The following EPHB1 variants were observed in gnomAD, a reference collection of about 807,000 sequenced individuals.
EPHB1 encodes the protein ephrin type-B receptor 1.
EPHB1 carries 30 observed loss-of-function variants against 94.4 expected under a neutral mutation model. That is an observed-to-expected ratio of 0.32 (90% CI 0.24 to 0.43). The LOEUF (loss-of-function observed/expected upper bound fraction) is 0.43, where lower values mean the gene tolerates loss of function less well. Among genes scored for constraint, EPHB1 ranks in the 20% least tolerant of loss-of-function variants. EPHB1 has a pLI of 1.00. For synonymous variants in EPHB1, 522 were observed against 489.1 expected (o/e 1.07, Z -0.89); for missense variants, 1,055 against 1,308.3 (o/e 0.81, Z 2.99).
chr3:135,007,022 G>A (rs1158078401), intron 3 of EPHB1, among the ~76,000 whole-genome samples: 1 of 152,146 alleles, frequency 6.6e-6, no homozygotes, highest in African/African-American at 2.4e-5. Flanking sequence ...GAGTCACTTT[G>A]GTTCCAGATC....
rs146847263 is a variant in EPHB1, at chr3:135,138,933, G to A, written c.1297+5884G>A. Among the ~76,000 whole-genome samples, 176 of 152,314 alleles carry A rather than the reference G, an allele frequency of 1.2e-3. 3 individuals carry two copies. The highest frequency in any genetic ancestry group is 6.2e-3 in the South Asian group (30 of 4,832). On this transcript the variant is annotated intron_variant, in intron 5 of 15. Coordinates refer to ENST00000398015, the MANE Select transcript of EPHB1 (RefSeq NM_004441.5). ...TGTTCTCCGTTGAGCTCAGAGGGTC[G>A]GCAGATGGCACTGCCCCTGACCAAT...
intron 3 of EPHB1, among the ~76,000 whole-genome samples, chr3:135,061,582 A>G (rs1424470427): frequency 6.6e-6 from 1 of 151,632 alleles, no homozygotes; most frequent in Admixed American, 6.6e-5. Context: ...TCCATCATAT[A>G]TATTTAGCAC....
In EPHB1 at chr3:135,052,997, A is replaced by ATGTG. The variant is rs1246498295; in HGVS notation, c.806-53445_806-53442dup. On this transcript the variant is annotated intron_variant, in intron 3 of 15. Coordinates refer to ENST00000398015, the MANE Select transcript of EPHB1 (RefSeq NM_004441.5). ...TGTATATATATGTGTGTGTATATAT[A>ATGTG]TGTGTGTGTATATATATGTGTGTGT... Among the ~76,000 whole-genome samples the ATGTG allele has an allele frequency of 1.4e-3, 142 of 100,120 alleles. 2 individuals carry two copies. Among genetic ancestry groups the ATGTG allele is most frequent in the African/African-American group, 3.8e-3 (89 of 23,216 alleles). 65.7% of individuals were successfully genotyped at this position (100,120 alleles called of 152,430 possible).
chr3:135,225,733 A>G (rs1175270481), intron 12 of EPHB1, among the ~76,000 whole-genome samples: 2 of 151,884 alleles, frequency 1.3e-5, no homozygotes, highest in Admixed American at 1.3e-4. Context: ...GCCACAGGGA[A>G]AGGGTCCAGT....
At chr3:135,054,805 A>G (rs932069230) in intron 3 of EPHB1, among the ~76,000 whole-genome samples, 6 of 152,258 alleles carry the variant, frequency 3.9e-5, no homozygotes, top group Middle Eastern at 3.4e-3. Context: ...TTGCCTCTGC[A>G]TGGGTTTTAT....
At chr3:134,799,584 G>C (rs1027627611) in intron 1 of EPHB1, among the ~76,000 whole-genome samples, 1 of 152,192 alleles carries the variant, frequency 6.6e-6, no homozygotes, top group Non-Finnish European at 1.5e-5. Flanking sequence ...AACTGCAGAG[G>C]CCCAGACTCA....
chr3:135,060,337 T>G (rs1300073187), intron 3 of EPHB1, among the ~76,000 whole-genome samples: 1 of 152,236 alleles, frequency 6.6e-6, no homozygotes, highest in Non-Finnish European at 1.5e-5. Flanking sequence ...ATTGTCTATG[T>G]CGTAGCATGT....
chr3:134,927,777 C>T (rs916229030), intron 2 of EPHB1, among the ~76,000 whole-genome samples: 2 of 152,268 alleles, frequency 1.3e-5, no homozygotes, highest in Non-Finnish European at 2.9e-5. Flanking sequence ...GCCCTCCCCA[C>T]CTGCTACCAG....
chr3:134,940,676 C>A (rs2039096312), intron 2 of EPHB1, among the ~76,000 whole-genome samples: 1 of 152,226 alleles, frequency 6.6e-6, no homozygotes, highest in South Asian at 2.1e-4. Flanking sequence ...AAAGGGAGAT[C>A]TTCCCTGATT....
intron 1 of EPHB1, among the ~76,000 whole-genome samples, chr3:134,862,675 A>G (rs956918963): frequency 6.6e-6 from 1 of 152,138 alleles, no homozygotes. Flanking sequence ...CGTGTGGCTC[A>G]GAGGATCTGG....
intron 3 of EPHB1, among the ~76,000 whole-genome samples, chr3:135,067,300 A>G (rs550565947): frequency 6.6e-6 from 1 of 152,102 alleles, no homozygotes; most frequent in East Asian, 1.9e-4. Flanking sequence ...GTGGGTAGGG[A>G]AGGGCAATGA....
At chr3:135,043,891 A>G (rs1268363387) in intron 3 of EPHB1, among the ~76,000 whole-genome samples, 1 of 152,186 alleles carries the variant, frequency 6.6e-6, no homozygotes. Flanking sequence ...AGATCAGGCC[A>G]TGTTGGCCTC....
intron 1 of EPHB1, among the ~76,000 whole-genome samples, chr3:134,827,279 TCTC>T (rs2036497869): frequency 6.6e-6 from 1 of 152,216 alleles, no homozygotes; most frequent in Non-Finnish European, 1.5e-5. Flanking sequence ...TGCTTCTTCT[TCTC>T]TATAATCTAA....
At position 134,804,205 on chromosome 3, in the gene EPHB1, C is replaced by T. The variant is rs1202596097; in HGVS notation, c.58+8516C>T. 8.8e-5 allele frequency among the ~76,000 whole-genome samples: 13 copies of T among 148,186 alleles called. No homozygotes were observed. In the Admixed American group the frequency reaches 9.0e-4, roughly 10 times the overall value. ...TAATTGGACTTACAGTTCCACATGG[C>T]TGGGGAGGCCTCAGAATCATGGTGG... On this transcript the variant is annotated intron_variant, in intron 1 of 15. Coordinates refer to ENST00000398015, the MANE Select transcript of EPHB1 (RefSeq NM_004441.5).
At chr3:135,206,129 T>G (rs986105172) in intron 12 of EPHB1, among the ~76,000 whole-genome samples, 1 of 152,226 alleles carries the variant, frequency 6.6e-6, no homozygotes, top group African/African-American at 2.4e-5. Flanking sequence ...ATACAGCATG[T>G]GCTTTTTTGC....
intron 1 of EPHB1, among the ~76,000 whole-genome samples, chr3:134,917,682 A>C (rs11709198): frequency 0.22 from 34,119 of 152,214 alleles, 3,970 homozygotes; most frequent in Middle Eastern, 0.31. Flanking sequence ...ATGCCTGTTC[A>C]GACTCATTCA....
rs568041627 is a variant in EPHB1, at chr3:135,066,222, T to C, written c.806-40226T>C. 1.5e-4 allele frequency among the ~76,000 whole-genome samples: 23 copies of C among 152,382 alleles called. No individual in the cohort carries two copies. In the South Asian group the frequency reaches 4.6e-3, roughly 30 times the overall value. On this transcript the variant is annotated intron_variant, in intron 3 of 15. Transcript: ENST00000398015. Reference sequence around the variant, plus strand: ...TGAATTTCCCAGGTGTTCTTTGAGCTGCTTGTAGTTGGATGTCTAGGTCTC... The same window carrying C: ...TGAATTTCCCAGGTGTTCTTTGAGCCGCTTGTAGTTGGATGTCTAGGTCTC...
At chr3:134,897,961 C>G (rs1028517251) in intron 1 of EPHB1, among the ~76,000 whole-genome samples, 1 of 152,202 alleles carries the variant, frequency 6.6e-6, no homozygotes, top group Non-Finnish European at 1.5e-5. Context: ...TAGCACCCCC[C>G]TGTGTTTCAT....
chr3:134,855,341 TGG>T (rs2037088530), intron 1 of EPHB1, among the ~76,000 whole-genome samples: 2 of 152,168 alleles, frequency 1.3e-5, no homozygotes, highest in African/African-American at 2.4e-5. Flanking sequence ...GGCTTTGGAC[TGG>T]GGTGATGGAA....
Sources: allele counts gnomAD v4.1 joint callset (sites outside exome capture counted in the v4.1 genomes callset), GRCh38; gene constraint gnomAD v4.1.1; transcripts MANE v1.5; gene names NCBI Gene and HGNC (gene_info 2026-07-23, HGNC 2026-07-21).